Variants in MTUS2 observed in about 807,000 individuals in gnomAD.
MTUS2 encodes microtubule associated scaffold protein 2, also known as microtubule-associated tumor suppressor candidate 2.
MTUS2 carries 40 observed loss-of-function variants against 114.1 expected under a neutral mutation model. That is an observed-to-expected ratio of 0.35 (90% CI 0.27 to 0.46). The LOEUF (loss-of-function observed/expected upper bound fraction) is 0.46, where lower values mean the gene tolerates loss of function less well. Ranked by LOEUF, MTUS2 falls within the 20% of genes least tolerant of loss-of-function variation. MTUS2 has a pLI of 1.00. For missense variants in MTUS2, 1,679 were observed against 1,705.4 expected, an observed-to-expected ratio of 0.98 and a Z score of 0.27; for synonymous variants, 688 against 672.0, an observed-to-expected ratio of 1.02 and a Z score of -0.37.
At chr13:29,018,043 C>T (rs1165599040) in intron 2 of MTUS2, among the ~76,000 whole-genome samples, 1 of 152,106 alleles carries the variant, frequency 6.6e-6, no homozygotes, top group Non-Finnish European at 1.5e-5. Context: ...TACCTAGTTC[C>T]ACCTCTACCT....
At chr13:29,210,488 G>C (rs1231849563) in intron 5 of MTUS2, among the ~76,000 whole-genome samples, 1 of 152,038 alleles carries the variant, frequency 6.6e-6, no homozygotes, top group African/African-American at 2.4e-5. Flanking sequence ...TCTTTTGGGA[G>C]TGTTAAAAAA....
chr13:29,379,656 T>C (rs1872052329), intron 8 of MTUS2, among the ~76,000 whole-genome samples: 1 of 152,158 alleles, frequency 6.6e-6, no homozygotes, highest in Non-Finnish European at 1.5e-5. Context: ...ACCGTCATCA[T>C]ACATGTCCTC....
chr13:29,289,619 C>T (rs1033501642), intron 6 of MTUS2, among the ~76,000 whole-genome samples: 3 of 151,924 alleles, frequency 2.0e-5, no homozygotes, highest in African/African-American at 7.3e-5. Context: ...CCCACCACTG[C>T]ACCCGGGTAA....
At chr13:29,142,108 C>T (rs1892249177) in intron 5 of MTUS2, among the ~76,000 whole-genome samples, 2 of 152,006 alleles carry the variant, frequency 1.3e-5, no homozygotes, top group Non-Finnish European at 2.9e-5. Flanking sequence ...GATCCGCCCG[C>T]CTCGGCCTCC....
At chr13:29,349,688 T>G (rs4470003) in intron 7 of MTUS2, among the ~76,000 whole-genome samples, 81,276 of 152,014 alleles carry the variant, frequency 0.53, 24,998 homozygotes, top group East Asian at 0.76. Flanking sequence ...AGATGCTGTT[T>G]TAGTGATTTC....
intron 5 of MTUS2, among the ~76,000 whole-genome samples, chr13:29,165,891 C>T (rs1893296959): frequency 6.6e-6 from 1 of 152,050 alleles, no homozygotes; most frequent in African/African-American, 2.4e-5. Context: ...TGTCTTTCAC[C>T]AAAACACTCC....
chr13:29,008,755 T>C (rs1037025611), intron 2 of MTUS2, among the ~76,000 whole-genome samples: 13 of 152,226 alleles, frequency 8.5e-5, no homozygotes, highest in Non-Finnish European at 5.9e-5. Flanking sequence ...TTTGAGGATT[T>C]AGGGCTTTCC....
chr13:28,964,410 T>C (rs1883479287), intron 2 of MTUS2, among the ~76,000 whole-genome samples: 1 of 152,164 alleles, frequency 6.6e-6, no homozygotes. Flanking sequence ...TAAATTGGAT[T>C]GTGTCATTCC....
At chr13:29,060,783 T>A (rs774719751) in intron 4 of MTUS2, among the ~76,000 whole-genome samples, 2 of 149,328 alleles carry the variant, frequency 1.3e-5, no homozygotes, top group Non-Finnish European at 3.0e-5. Context: ...CTTTCACTCC[T>A]TTCATTTGGA....
chr13:28,863,605 G>A (rs1877125540), intron 2 of MTUS2, among the ~76,000 whole-genome samples: 1 of 152,174 alleles, frequency 6.6e-6, no homozygotes, highest in Admixed American at 6.5e-5. Context: ...CATCTTAGCA[G>A]AAGAATGTCT....
In MTUS2 at chr13:29,339,171, C is replaced by T. The variant is rs117987207; in HGVS notation, c.2905+14460C>T. 2.0e-3 allele frequency among the ~76,000 whole-genome samples: 310 copies of T among 152,186 alleles called. 1 individual carries two copies. Among genetic ancestry groups the T allele is most frequent in the South Asian group, 0.011 (53 of 4,824 alleles). ...CAATACAGACATTGTTGCACCTACT[C>T]CTAGAGCTCCCAAGGTGGCTCTTCA... On this transcript the variant is annotated intron_variant, in intron 7 of 15. Coordinates refer to ENST00000612955, the MANE Select transcript of MTUS2 (RefSeq NM_001033602.4).
intron 2 of MTUS2, among the ~76,000 whole-genome samples, chr13:28,855,369 G>A (rs1876557085): frequency 6.6e-6 from 1 of 152,046 alleles, no homozygotes; most frequent in African/African-American, 2.4e-5. Context: ...CCCATCACCT[G>A]GGTATTAAGC....
intron 1 of MTUS2, among the ~76,000 whole-genome samples, chr13:28,827,316 C>T (rs1031368150): frequency 6.6e-6 from 1 of 152,062 alleles, no homozygotes; most frequent in African/African-American, 2.4e-5. Context: ...TTTAAATCCA[C>T]ATTGTATTAG....
chr13:28,876,510 A>G (rs540349235), intron 2 of MTUS2, among the ~76,000 whole-genome samples: 1 of 152,260 alleles, frequency 6.6e-6, no homozygotes, highest in East Asian at 1.9e-4. Flanking sequence ...AGCAGTTCCA[A>G]AACTCTCTTC....
chr13:28,833,661 T>C (rs1874863022), intron 1 of MTUS2, among the ~76,000 whole-genome samples: 1 of 152,162 alleles, frequency 6.6e-6, no homozygotes, highest in African/African-American at 2.4e-5. Context: ...GGATGTCTAC[T>C]GTTTTCACAT....
At chr13:28,911,251 C>A (rs938159439) in intron 2 of MTUS2, among the ~76,000 whole-genome samples, 7 of 145,152 alleles carry the variant, frequency 4.8e-5, no homozygotes, top group Non-Finnish European at 7.4e-5. Context: ...TCTTGGCTCA[C>A]TGCAACGTCC....
intron 8 of MTUS2, among the ~76,000 whole-genome samples, chr13:29,435,395 C>T (rs1028183847): frequency 6.6e-6 from 1 of 152,182 alleles, no homozygotes; most frequent in Admixed American, 6.5e-5. Flanking sequence ...ACTGATCTAA[C>T]CCTGGGCCCT....
At chr13:29,272,791 A>G (rs906526282) in intron 5 of MTUS2, among the ~76,000 whole-genome samples, 1 of 152,216 alleles carries the variant, frequency 6.6e-6, no homozygotes, top group South Asian at 2.1e-4. Flanking sequence ...CAGCTGTCTT[A>G]GTTTTCTTTG....
At chr13:28,981,976 C>T (rs777026139) in intron 2 of MTUS2, among the ~76,000 whole-genome samples, 1 of 152,086 alleles carries the variant, frequency 6.6e-6, no homozygotes, top group Non-Finnish European at 1.5e-5. Flanking sequence ...TCTTGAATGC[C>T]CTAGGGATTC....
Sources: allele counts gnomAD v4.1 joint callset (sites outside exome capture counted in the v4.1 genomes callset), GRCh38; gene constraint gnomAD v4.1.1; transcripts MANE v1.5; gene names NCBI Gene and HGNC (gene_info 2026-07-23, HGNC 2026-07-21).